MLLT3: variants seen among roughly 807,000 people sequenced by gnomAD.
MLLT3 encodes the protein MLLT3 super elongation complex subunit, also known as protein AF-9.
A neutral mutation model predicts 53.2 loss-of-function variants in MLLT3; 4 were observed. The observed-to-expected ratio is 0.08, with a 90% CI of 0.04 to 0.17. The LOEUF is 0.17. Among genes scored for constraint, MLLT3 ranks in the 10% least tolerant of loss-of-function variants. The pLI, the probability that MLLT3 is intolerant of heterozygous loss-of-function variation, is 1.00. For synonymous variants in MLLT3, 283 were observed against 230.6 expected (o/e 1.23, Z -2.06); for missense variants, 569 against 684.0 (o/e 0.83, Z 1.87).
At chr9:20,377,897 C>G (rs1821810002) in intron 5 of MLLT3, among the ~76,000 whole-genome samples, 1 of 152,046 alleles carries the variant, frequency 6.6e-6, no homozygotes, top group Admixed American at 6.5e-5. Context: ...TCATTATCAG[C>G]TTATGAAACA....
chr9:20,440,315 C>T (rs1027559023), intron 4 of MLLT3, among the ~76,000 whole-genome samples: 3 of 152,096 alleles, frequency 2.0e-5, no homozygotes, highest in African/African-American at 7.2e-5. Flanking sequence ...ATTAAGCCAC[C>T]TACCATCTAT....
chr9:20,489,431 A>G (rs974811746), intron 2 of MLLT3, among the ~76,000 whole-genome samples: 1 of 152,138 alleles, frequency 6.6e-6, no homozygotes, highest in Admixed American at 6.5e-5. Flanking sequence ...CATTAAAGGG[A>G]GATTTAGTCA....
intron 2 of MLLT3, among the ~76,000 whole-genome samples, chr9:20,467,538 A>G (rs1824266819): frequency 6.6e-6 from 1 of 152,230 alleles, no homozygotes; most frequent in African/African-American, 2.4e-5. Flanking sequence ...AGATCATGCC[A>G]TTGCACTCCA....
intron 2 of MLLT3, among the ~76,000 whole-genome samples, chr9:20,467,558 C>T (rs1006670354): frequency 1.3e-5 from 2 of 152,072 alleles, no homozygotes; most frequent in African/African-American, 4.8e-5. Flanking sequence ...AGCCTGGCGA[C>T]AGAGTGGCAC....
At chr9:20,556,035 G>C (rs1819048675) in intron 2 of MLLT3, among the ~76,000 whole-genome samples, 3 of 151,958 alleles carry the variant, frequency 2.0e-5, no homozygotes, top group Admixed American at 1.3e-4. Context: ...TTCAGTGCCT[G>C]CATCTTACAC....
At chr9:20,443,444 T>C (rs1823604610) in intron 4 of MLLT3, among the ~76,000 whole-genome samples, 1 of 152,270 alleles carries the variant, frequency 6.6e-6, no homozygotes, top group African/African-American at 2.4e-5. Context: ...ATTTTTCTAA[T>C]GAAAAGTTAC....
Position 20,559,864 on chromosome 9 carries a change from T to C in MLLT3, c.193+60790A>G, listed in dbSNP as rs1819156491. On this transcript the variant is annotated intron_variant, in intron 2 of 10. Coordinates refer to ENST00000380338, the MANE Select transcript of MLLT3 (RefSeq NM_004529.4). ...GACTTTCTGACAAATACAAGGATTT[T>C]GTAGCAGCAAGAGTACTAACACAGA... is the stretch of plus-strand genomic sequence containing the variant. 3.3e-5 allele frequency among the ~76,000 whole-genome samples: 5 copies of C among 152,214 alleles called. No individual in the cohort carries two copies. The South Asian group carries it at 1.0e-3, about 31-fold the overall frequency.
chr9:20,606,140 T>A (rs1002285457), intron 2 of MLLT3, among the ~76,000 whole-genome samples: 2 of 152,102 alleles, frequency 1.3e-5, no homozygotes, highest in Non-Finnish European at 2.9e-5. Flanking sequence ...GCTGGGAAAT[T>A]TAGCTGGTTA....
In MLLT3 at chr9:20,414,327, GCTGCTGCTGCTGCTGCTA is replaced by G. The variant is rs1362183022; in HGVS notation, c.501_518del (p.Ser185_Ser190del). On this transcript the variant is annotated inframe_deletion, in exon 5 of 11. Coordinates refer to ENST00000380338, the MANE Select transcript of MLLT3 (RefSeq NM_004529.4). Reference sequence around the variant, plus strand: ...TGCTGCTGCTACTGCTGCTGCTGCTGCTGCTGCTGCTGCTGCTACTGCTGCTGCTGCTGCTGCTGCTGC... The same window carrying G: ...TGCTGCTGCTACTGCTGCTGCTGCTGCTGCTGCTGCTGCTGCTGCTGCTGC... 11 of 1,606,464 alleles carry G rather than the reference GCTGCTGCTGCTGCTGCTA, an allele frequency of 6.8e-6. No homozygotes were observed. Among genetic ancestry groups the G allele is most frequent in the African/African-American group, 4.0e-5 (3 of 74,506 alleles).
At chr9:20,407,186 G>A (rs888529233) in intron 5 of MLLT3, among the ~76,000 whole-genome samples, 8 of 152,132 alleles carry the variant, frequency 5.3e-5, no homozygotes, top group African/African-American at 1.9e-4. Flanking sequence ...CTCCAAACTG[G>A]AGGACACCAT....
At position 20,426,475 on chromosome 9, in the gene MLLT3, A is replaced by G. The variant is rs112301922; in HGVS notation, c.421-12050T>C. Among the ~76,000 whole-genome samples the G allele has an allele frequency of 5.3e-5, 8 of 152,298 alleles. 1 individual carries two copies. The highest frequency in any genetic ancestry group is 1.9e-4 in the African/African-American group (8 of 41,578). On this transcript the variant is annotated intron_variant, in intron 4 of 10. Transcript: ENST00000380338. The stretch of plus-strand genomic sequence containing the variant: ...AATGGCTGGAAGTATAAAATGAAAA[A>G]CAGTACCTGACACACACAAATTTAA...
At chr9:20,531,852 A>G (rs1818346159) in intron 2 of MLLT3, among the ~76,000 whole-genome samples, 1 of 152,194 alleles carries the variant, frequency 6.6e-6, no homozygotes, top group Non-Finnish European at 1.5e-5. Flanking sequence ...TTATCTGTGT[A>G]AACTACTGAT....
intron 5 of MLLT3, among the ~76,000 whole-genome samples, chr9:20,380,498 G>T (rs529733945): frequency 6.6e-6 from 1 of 152,082 alleles, no homozygotes; most frequent in South Asian, 2.1e-4. Flanking sequence ...CCTACTTGTG[G>T]AATCATTATT....
At chr9:20,397,302 A>G (rs1006138682) in intron 5 of MLLT3, among the ~76,000 whole-genome samples, 3 of 152,180 alleles carry the variant, frequency 2.0e-5, no homozygotes, top group African/African-American at 2.4e-5. Context: ...TTTAATTAAC[A>G]TAATTAGAAG....
At chr9:20,465,380 T>C (rs760712012) in intron 2 of MLLT3, among the ~76,000 whole-genome samples, 1 of 152,164 alleles carries the variant, frequency 6.6e-6, no homozygotes, top group Non-Finnish European at 1.5e-5. Context: ...TGAGAGTTAC[T>C]TTTAAATACG....
intron 5 of MLLT3, among the ~76,000 whole-genome samples, chr9:20,371,223 G>A (rs992532308): frequency 2.6e-5 from 4 of 152,222 alleles, no homozygotes; most frequent in African/African-American, 9.6e-5. Context: ...AAAAGTGCAA[G>A]TTGAAGCAGC....
At chr9:20,523,251 A>G (rs1009046692) in intron 2 of MLLT3, among the ~76,000 whole-genome samples, 2 of 152,176 alleles carry the variant, frequency 1.3e-5, no homozygotes, top group African/African-American at 4.8e-5. Context: ...AGCAACAGGA[A>G]CTCTCATTCA....
intron 5 of MLLT3, among the ~76,000 whole-genome samples, chr9:20,404,883 T>A (rs569331580): frequency 6.6e-6 from 1 of 152,182 alleles, no homozygotes; most frequent in Middle Eastern, 3.4e-3. Context: ...ACAAAGATAA[T>A]TGACTGGCCA....
intron 4 of MLLT3, among the ~76,000 whole-genome samples, chr9:20,446,024 A>G (rs1398906464): frequency 1.3e-5 from 2 of 152,232 alleles, no homozygotes; most frequent in Non-Finnish European, 2.9e-5. Context: ...AATCTAGGTA[A>G]GCCAAAAGAT....
Sources: gnomAD v4.1 joint callset for allele counts (sites outside exome capture counted in the v4.1 genomes callset) on GRCh38, gnomAD v4.1.1 for gene constraint, MANE v1.5 for transcripts, NCBI Gene and HGNC (gene_info 2026-07-23, HGNC 2026-07-21) for gene names.